The following TMED7 variants were observed in gnomAD, a reference collection of about 807,000 sequenced individuals.
TMED7 encodes transmembrane emp24 domain-containing protein 7.
A neutral mutation model predicts 23.4 loss-of-function variants in TMED7; 8 were observed. That is an observed-to-expected ratio of 0.34 (90% CI 0.20 to 0.62). The LOEUF (loss-of-function observed/expected upper bound fraction) is 0.62. TMED7 is among the 20% of genes least tolerant of loss of function. TMED7 has a pLI of 0.77. For synonymous variants in TMED7, 121 were observed against 108.5 expected, an observed-to-expected ratio of 1.12 and a Z score of -0.72; for missense variants, 232 against 279.1, an observed-to-expected ratio of 0.83 and a Z score of 1.20.
rs1757205720 is a variant in TMED7, at chr5:115,625,978, C to G, written c.-186G>C. 3.9e-6 allele frequency: 3 copies of G among 778,202 alleles called. No individual in the cohort carries two copies. The African/African-American group carries it at 5.5e-5, about 14-fold the overall frequency. 48.2% of individuals were successfully genotyped at this position (778,202 alleles called of 1,614,324 possible). On this transcript the variant is annotated 5_prime_UTR_variant, in exon 1 of 3. Transcript: ENST00000456936. ...GCTTCCTGTGAGGGGCGCAGACGGGCGGACCTGGGGAGGTAAAAGAGAAGC... is the reference window on the plus strand; with the variant it reads ...GCTTCCTGTGAGGGGCGCAGACGGGGGGACCTGGGGAGGTAAAAGAGAAGC...
chr5:115,624,790 C>T (rs1482313085), intron 1 of TMED7, among the ~76,000 whole-genome samples: 2 of 152,144 alleles, frequency 1.3e-5, no homozygotes, highest in Non-Finnish European at 2.9e-5. Flanking sequence ...AATAATTTTC[C>T]AAAGGAAGTC....
chr5:115,619,847 C>T (rs1756958787), intron 2 of TMED7, among the ~76,000 whole-genome samples: 2 of 152,236 alleles, frequency 1.3e-5, no homozygotes, highest in Admixed American at 1.3e-4. Context: ...TAGTTGTTCA[C>T]TGGGTTTAAA....
chr5:115,624,791 AAAGG>A (rs966858823), intron 1 of TMED7, among the ~76,000 whole-genome samples: 4 of 152,198 alleles, frequency 2.6e-5, no homozygotes, highest in African/African-American at 7.2e-5. Flanking sequence ...ATAATTTTCC[AAAGG>A]AAGTCTTCCT....
In TMED7 at chr5:115,616,064, T is replaced by C. The variant is rs180942516; in HGVS notation, c.*145A>G. Reference sequence around the variant, plus strand: ...AAAAAAAGGTGTCCTTTCCACAGTTTGGGAATATGCATTGTACATCCCTCC... The same window carrying C: ...AAAAAAAGGTGTCCTTTCCACAGTTCGGGAATATGCATTGTACATCCCTCC... On this transcript the variant is annotated 3_prime_UTR_variant, in exon 3 of 3. Coordinates refer to ENST00000456936, the MANE Select transcript of TMED7 (RefSeq NM_181836.6). 5.0e-6 allele frequency: 4 copies of C among 806,328 alleles called. No individual in the cohort carries two copies. The Admixed American group carries it at 7.9e-5, about 16-fold the overall frequency. 49.9% of individuals were successfully genotyped at this position (806,328 alleles called of 1,614,324 possible). A position where few individuals can be genotyped will look rare whatever the true frequency, so the allele number is the denominator to read the frequency against.
chr5:115,616,183 A>G lies in TMED7; in HGVS notation c.*26T>C. On this transcript the variant is annotated 3_prime_UTR_variant, in exon 3 of 3. Coordinates refer to ENST00000456936, the MANE Select transcript of TMED7 (RefSeq NM_181836.6). ...AGAGGACAGCAATATTACAGTGGCA[A>G]TGGTGCATCAATTCTCAAAACGTAG... 1 of 1,601,300 alleles carries G rather than the reference A, an allele frequency of 6.2e-7. No individual in the cohort carries two copies. The highest frequency in any genetic ancestry group is 2.2e-5 in the East Asian group (1 of 44,830).
intron 2 of TMED7, among the ~76,000 whole-genome samples, chr5:115,618,399 T>C (rs1369044624): frequency 5.3e-5 from 8 of 152,206 alleles, no homozygotes; most frequent in Admixed American, 2.0e-4. Context: ...ATTTCCCCTA[T>C]TGTTTCAAAG....
Position 115,616,293 on chromosome 5 carries a change from A to T in TMED7, c.591T>A (p.Leu197=). 1 of 1,614,216 alleles carries T rather than the reference A, an allele frequency of 6.2e-7. No homozygotes were observed. The highest frequency in any genetic ancestry group is 8.5e-7 in the Non-Finnish European group (1 of 1,180,024). ...AYWSVGEALI[L]LVVSIGQVFL... ...ATACCTGCCCTATGCTAACCACCAG[A>T]AGAATGAGGGCTTCTCCTACTGACC... Residue 197 remains leucine (L), a synonymous_variant, in exon 3 of 3, where the codon CTT becomes CTA. Coordinates refer to ENST00000456936, the MANE Select transcript of TMED7 (RefSeq NM_181836.6).
Position 115,615,652 on chromosome 5 carries a change from C to T in TMED7, c.*557G>A, listed in dbSNP as rs1756696933. The T allele has an allele frequency of 1.3e-5, 2 of 153,052 alleles. No individual in the cohort carries two copies. Among genetic ancestry groups the T allele is most frequent in the Non-Finnish European group, 2.9e-5 (2 of 68,386 alleles). The allele number at this position is 153,052 out of a possible 1,614,324, so 9.5% of individuals were successfully genotyped here. On this transcript the variant is annotated 3_prime_UTR_variant, in exon 3 of 3. Transcript: ENST00000456936. ...AATTATAAACCCCAAAAACAAAAGT[C>T]TGACATTTTCTAAGCTAGTGAGAAA...
chr5:115,617,314 A>AGTTT (rs528264420), intron 2 of TMED7, among the ~76,000 whole-genome samples: 75 of 152,296 alleles, frequency 4.9e-4, no homozygotes, highest in Non-Finnish European at 1.0e-3. Flanking sequence ...AACAAATCTA[A>AGTTT]GTTTGTTTTA....
At chr5:115,616,828 C>T (rs1313180753) in intron 2 of TMED7, among the ~76,000 whole-genome samples, 1 of 151,978 alleles carries the variant, frequency 6.6e-6, no homozygotes, top group Non-Finnish European at 1.5e-5. Flanking sequence ...GTGAGCTCAC[C>T]AATGAGAATA....
In TMED7 at chr5:115,614,748, A is replaced by T. The variant is rs1482904323; in HGVS notation, c.*1461T>A. On this transcript the variant is annotated 3_prime_UTR_variant, in exon 3 of 3. Transcript: ENST00000456936. ...AAGAAGTATATATATGCATTTTAAG[A>T]TAGCTTAGAATTAAGAGTTAACTTC... The T allele has an allele frequency of 6.6e-6, 1 of 152,094 alleles. No individual in the cohort carries two copies. Among genetic ancestry groups the T allele is most frequent in the African/African-American group, 2.4e-5 (1 of 41,434 alleles). The allele number at this position is 152,094 out of a possible 1,614,324, so 9.4% of individuals were successfully genotyped here.
chr5:115,625,848 G>T lies in TMED7; in HGVS notation c.-56C>A. ...CTGCGAGACGCAGGGTCAGGTCTGC[G>T]CGGACTCACCGCGCGCGGCAGGCCT... On this transcript the variant is annotated 5_prime_UTR_variant, in exon 1 of 3. Coordinates refer to ENST00000456936, the MANE Select transcript of TMED7 (RefSeq NM_181836.6). The T allele has an allele frequency of 7.4e-7, 1 of 1,347,346 alleles. No individual in the cohort carries two copies. The highest frequency in any genetic ancestry group is 1.5e-5 in the African/African-American group (1 of 64,830). 83.5% of individuals were successfully genotyped at this position (1,347,346 alleles called of 1,614,324 possible).
rs1043165708 is a variant in TMED7 at position 115,625,938 on chromosome 5, C to G, written c.-146G>C. The G allele has an allele frequency of 4.9e-5, 56 of 1,146,996 alleles. No homozygotes were observed. The highest frequency in any genetic ancestry group is 1.9e-5 in the Non-Finnish European group (17 of 900,090). The allele number at this position is 1,146,996 out of a possible 1,614,324, so 71.1% of individuals were successfully genotyped here. A position where few individuals can be genotyped will look rare whatever the true frequency, so the allele number is the denominator to read the frequency against. On this transcript the variant is annotated 5_prime_UTR_variant, in exon 1 of 3. Coordinates refer to ENST00000456936, the MANE Select transcript of TMED7 (RefSeq NM_181836.6). ...TTCACGCCTGTGGGAGATTCGGGATCAGAGCGACCCTCCGGCTTCCTGTGA... is the reference window on the plus strand; with the variant it reads ...TTCACGCCTGTGGGAGATTCGGGATGAGAGCGACCCTCCGGCTTCCTGTGA...
chr5:115,625,050 C>A (rs1757153901), intron 1 of TMED7, among the ~76,000 whole-genome samples: 1 of 152,210 alleles, frequency 6.6e-6, no homozygotes, highest in Admixed American at 6.5e-5. Context: ...GTTAAAGTTT[C>A]TTTTTTATAT....
intron 1 of TMED7, among the ~76,000 whole-genome samples, chr5:115,624,762 C>G (rs1290913920): frequency 6.6e-6 from 1 of 152,162 alleles, no homozygotes; most frequent in Admixed American, 6.5e-5. Flanking sequence ...ATAGCTCATC[C>G]TTTAAAGTTC....
intron 1 of TMED7, among the ~76,000 whole-genome samples, chr5:115,623,042 G>C (rs1443708118): frequency 6.6e-6 from 1 of 152,192 alleles, no homozygotes; most frequent in Non-Finnish European, 1.5e-5. Flanking sequence ...TCTGAGGTCA[G>C]AGTCAGTCTC....
chr5:115,617,854 C>T (rs573059035), intron 2 of TMED7, among the ~76,000 whole-genome samples: 28 of 152,290 alleles, frequency 1.8e-4, no homozygotes, highest in Middle Eastern at 3.4e-3. Flanking sequence ...AGTGCAATGG[C>T]GCAATCTTGG....
chr5:115,615,232 G>A lies in TMED7; in HGVS notation c.*977C>T, dbSNP rs1756666359. 2.0e-5 allele frequency: 3 copies of A among 152,484 alleles called. No homozygotes were observed. The highest frequency in any genetic ancestry group is 4.8e-5 in the African/African-American group (2 of 41,416). 9.4% of individuals were successfully genotyped at this position (152,484 alleles called of 1,614,324 possible). A position where few individuals can be genotyped will look rare whatever the true frequency, so the allele number is the denominator to read the frequency against. On this transcript the variant is annotated 3_prime_UTR_variant, in exon 3 of 3. Transcript: ENST00000456936. ...TATGCACGACAAAAAAAAGAAAAAA[G>A]GAGAGCAACTAACTTTTCAGTGCAT...
chr5:115,619,810 A>G (rs1756956341), intron 2 of TMED7, among the ~76,000 whole-genome samples: 1 of 152,176 alleles, frequency 6.6e-6, no homozygotes, highest in Non-Finnish European at 1.5e-5. Flanking sequence ...TGAACTAGAA[A>G]TAAAACAGTC....
Sources: gnomAD v4.1 joint callset for allele counts (sites outside exome capture counted in the v4.1 genomes callset) on GRCh38, gnomAD v4.1.1 for gene constraint, MANE v1.5 for transcripts, NCBI Gene and HGNC (gene_info 2026-07-23, HGNC 2026-07-21) for gene names.